Variants in CHRM3 observed in about 807,000 individuals in gnomAD.
CHRM3 encodes muscarinic acetylcholine receptor M3.
In CHRM3, 11 loss-of-function variants were observed where a neutral mutation model predicts 41.8. That is an observed-to-expected ratio of 0.26 (90% CI 0.17 to 0.44). The LOEUF (loss-of-function observed/expected upper bound fraction) is 0.44, where lower values mean the gene tolerates loss of function less well. Ranked by LOEUF, CHRM3 falls within the 20% of genes least tolerant of loss-of-function variation. CHRM3 has a pLI of 1.00. For synonymous variants in CHRM3, 297 were observed against 301.4 expected (o/e 0.99, Z 0.15); for missense variants, 571 against 745.4 (o/e 0.77, Z 2.72).
At chr1:239,579,663 G>C (rs1302784974) in intron 3 of CHRM3, among the ~76,000 whole-genome samples, 1 of 151,990 alleles carries the variant, frequency 6.6e-6, no homozygotes, top group African/African-American at 2.4e-5. Flanking sequence ...AAATTTTTTT[G>C]CCTTCAATAA....
At chr1:239,599,763 C>G (rs970447709) in intron 3 of CHRM3, among the ~76,000 whole-genome samples, 1 of 152,304 alleles carries the variant, frequency 6.6e-6, no homozygotes, top group South Asian at 2.1e-4. Flanking sequence ...TCATCTAACA[C>G]AAAACCTATT....
chr1:239,603,107 A>C (rs796390444), intron 3 of CHRM3, among the ~76,000 whole-genome samples: 30 of 152,020 alleles, frequency 2.0e-4, no homozygotes, highest in African/African-American at 7.2e-4. Flanking sequence ...TGGAATATAC[A>C]ATATTTGTAT....
chr1:239,603,332 T>C (rs1413348613), intron 3 of CHRM3, among the ~76,000 whole-genome samples: 1 of 152,170 alleles, frequency 6.6e-6, no homozygotes, highest in Admixed American at 6.5e-5. Context: ...AAAGCAAGAA[T>C]AAACAATAAA....
chr1:239,743,685 C>T (rs563937236), intron 5 of CHRM3, among the ~76,000 whole-genome samples: 6 of 151,876 alleles, frequency 4.0e-5, no homozygotes, highest in Non-Finnish European at 7.4e-5. Flanking sequence ...ACCAAACCAT[C>T]AACCACTAGG....
intron 3 of CHRM3, among the ~76,000 whole-genome samples, chr1:239,561,455 C>T (rs1660849743): frequency 6.6e-6 from 1 of 152,038 alleles, no homozygotes; most frequent in Non-Finnish European, 1.5e-5. Context: ...ATGGTTGCCT[C>T]CTGTTTTTTA....
At chr1:239,680,708 ATG>A (rs71758239) in intron 5 of CHRM3, among the ~76,000 whole-genome samples, 24,504 of 149,156 alleles carry the variant, frequency 0.16, 2,876 homozygotes, top group African/African-American at 0.33. Context: ...TGGTGTGTGC[ATG>A]TGTGTGTGTG....
intron 5 of CHRM3, among the ~76,000 whole-genome samples, chr1:239,775,754 A>T (rs1038810656): frequency 6.6e-6 from 1 of 152,218 alleles, no homozygotes; most frequent in Non-Finnish European, 1.5e-5. Context: ...GATCAGGGAG[A>T]AATCGAGAGG....
intron 3 of CHRM3, among the ~76,000 whole-genome samples, chr1:239,585,490 A>C (rs1034514317): frequency 6.6e-6 from 1 of 152,162 alleles, no homozygotes; most frequent in Non-Finnish European, 1.5e-5. Flanking sequence ...TGGATTAGAG[A>C]TGTGTGGAAG....
chr1:239,897,788 C>T (rs565449592), intron 6 of CHRM3, among the ~76,000 whole-genome samples: 4 of 152,128 alleles, frequency 2.6e-5, no homozygotes, highest in Non-Finnish European at 4.4e-5. Flanking sequence ...TTTAGACTTG[C>T]GAGTGCTAAT....
rs78937679 is a variant in CHRM3, at chr1:239,760,592, C to A, written c.-146-66660C>A. Among the ~76,000 whole-genome samples the A allele has an allele frequency of 6.6e-5, 10 of 152,012 alleles. No individual in the cohort carries two copies. The East Asian group carries it at 1.9e-3, about 29-fold the overall frequency. On this transcript the variant is annotated intron_variant, in intron 5 of 6. Transcript: ENST00000676153. ...CTCTCCCCTCATGAGCTCCTCTTCT[C>A]TTTTTTTTACTTTCATATTTTCAAG...
rs1192082355 is a variant in CHRM3 at position 239,911,289 on chromosome 1, A to AT, written c.*2072dup. 1.2e-5 allele frequency: 2 copies of AT among 166,988 alleles called. No homozygotes were observed. Among genetic ancestry groups the AT allele is most frequent in the African/African-American group, 2.4e-5 (1 of 41,434 alleles). The allele number at this position is 166,988 out of a possible 1,614,324, so 10.3% of individuals were successfully genotyped here. ...AACAATCAGCATAATTGTAAGAATG[A>AT]TTTTTTTGGGCCCACATTCAACCAA... On this transcript the variant is annotated 3_prime_UTR_variant, in exon 7 of 7. Transcript: ENST00000676153.
intron 3 of CHRM3, among the ~76,000 whole-genome samples, chr1:239,607,669 G>C (rs1212166568): frequency 6.6e-5 from 10 of 151,818 alleles, no homozygotes; most frequent in African/African-American, 9.7e-5. Flanking sequence ...TAAAAAAAAG[G>C]CTTAGTAAAA....
intron 1 of CHRM3, among the ~76,000 whole-genome samples, chr1:239,435,430 CAG>C (rs1405623307): frequency 7.0e-6 from 1 of 143,584 alleles, no homozygotes; most frequent in African/African-American, 2.6e-5. Context: ...GCCTGGGCGA[CAG>C]AGCGAGACTC....
At chr1:239,587,128 T>A (rs1663497337) in intron 3 of CHRM3, among the ~76,000 whole-genome samples, 1 of 152,168 alleles carries the variant, frequency 6.6e-6, no homozygotes, top group Non-Finnish European at 1.5e-5. Context: ...TGATCAGAAA[T>A]CAGCGCGTGG....
chr1:239,845,518 T>C (rs186806428), intron 6 of CHRM3, among the ~76,000 whole-genome samples: 34 of 152,358 alleles, frequency 2.2e-4, no homozygotes, highest in Non-Finnish European at 3.5e-4. Flanking sequence ...CTCTTAGATA[T>C]TGCTTATACA....
intron 6 of CHRM3, among the ~76,000 whole-genome samples, chr1:239,832,147 G>A (rs146628028): frequency 2.0e-5 from 3 of 152,296 alleles, no homozygotes; most frequent in East Asian, 3.9e-4. Context: ...ATGTGAGCCT[G>A]CACTGTCCCT....
At chr1:239,815,576 C>CA (rs1231429695) in intron 5 of CHRM3, among the ~76,000 whole-genome samples, 1 of 152,052 alleles carries the variant, frequency 6.6e-6, no homozygotes, top group Non-Finnish European at 1.5e-5. Flanking sequence ...TTACATCTTG[C>CA]AAAAAAGTAA....
At chr1:239,859,143 C>T (rs1675368018) in intron 6 of CHRM3, among the ~76,000 whole-genome samples, 1 of 152,120 alleles carries the variant, frequency 6.6e-6, no homozygotes, top group African/African-American at 2.4e-5. Context: ...GGTAATTCTA[C>T]GTTTAACCAT....
chr1:239,404,369 A>G (rs1204280944), intron 1 of CHRM3, among the ~76,000 whole-genome samples: 24 of 65,880 alleles, frequency 3.6e-4, no homozygotes, highest in African/African-American at 1.5e-3. Context: ...AGAAAGAAAG[A>G]AAGAAAGAAA....
Sources: gnomAD v4.1 joint callset for allele counts (sites outside exome capture counted in the v4.1 genomes callset) on GRCh38, gnomAD v4.1.1 for gene constraint, MANE v1.5 for transcripts, NCBI Gene and HGNC (gene_info 2026-07-23, HGNC 2026-07-21) for gene names.